Variants in ABCA12 observed in about 807,000 individuals in gnomAD.
ABCA12 encodes the protein ATP binding cassette subfamily A member 12, also known as glucosylceramide transporter ABCA12.
A neutral mutation model predicts 293.5 loss-of-function variants in ABCA12; 156 were observed. The ratio of observed to expected loss-of-function variants is 0.53; its 90% CI spans 0.47 to 0.61. The LOEUF (loss-of-function observed/expected upper bound fraction) is 0.61, where lower values mean the gene tolerates loss of function less well. ABCA12 is among the 20% of genes least tolerant of loss of function. The probability of loss-of-function intolerance (pLI) is 0.00; values close to 1 mark genes in which losing one functional copy is unlikely to be tolerated. For missense variants in ABCA12, 2,797 were observed against 3,090.2 expected (o/e 0.91, Z 2.25); for synonymous variants, 1,063 against 1,108.0 (o/e 0.96, Z 0.81).
At chr2:215,004,058 G>C in intron 20 of ABCA12, 151 bp downstream of exon 20, 1 of 639,996 alleles carries the variant, frequency 1.6e-6, no homozygotes, top group African/African-American at 1.8e-5. Flanking sequence ...GAAGAAGATA[G>C]GGGGGATATA....
At chr2:215,103,267 CTTTTTTT>C (rs72000528) in intron 2 of ABCA12, among the ~76,000 whole-genome samples, 1 of 122,402 alleles carries the variant, frequency 8.2e-6, no homozygotes. Context: ...AAATTTCTTT[CTTTTTTT>C]TTTTTTTTTT....
Position 214,961,299 on chromosome 2 carries a change from T to G in ABCA12, c.5885-2221A>C, listed in dbSNP as rs111276760. On this transcript the variant is annotated intron_variant, in intron 39 of 52. Coordinates refer to ENST00000272895, the MANE Select transcript of ABCA12 (RefSeq NM_173076.3). ...TTACTAATTTCTATATAACTCAAGC[T>G]ACATCTTAAATTAGTTTTAATTAAA... Among the ~76,000 whole-genome samples, 147 of 152,272 alleles carry G rather than the reference T, an allele frequency of 9.7e-4. 1 individual carries two copies. The highest frequency in any genetic ancestry group is 3.3e-3 in the African/African-American group (136 of 41,578).
At chr2:215,117,465 T>C (rs1702709848) in intron 1 of ABCA12, among the ~76,000 whole-genome samples, 1 of 152,238 alleles carries the variant, frequency 6.6e-6, no homozygotes, top group African/African-American at 2.4e-5. Context: ...AAAGCTAATC[T>C]GCAGTATCTA....
chr2:215,104,893 C>T (rs541918378), intron 2 of ABCA12, among the ~76,000 whole-genome samples: 1 of 152,268 alleles, frequency 6.6e-6, no homozygotes, highest in Non-Finnish European at 1.5e-5. Flanking sequence ...GCATTATAGA[C>T]ATTATTTTGA....
At chr2:215,039,922 A>G (rs1379386932) in intron 7 of ABCA12, among the ~76,000 whole-genome samples, 1 of 152,128 alleles carries the variant, frequency 6.6e-6, no homozygotes, top group African/African-American at 2.4e-5. Context: ...TAGGTCTCCA[A>G]ACTTATGGGG....
intron 12 of ABCA12, 30 bp downstream of exon 12, chr2:215,019,510 A>G (rs778638170): frequency 6.8e-6 from 11 of 1,614,028 alleles, no homozygotes; most frequent in Non-Finnish European, 9.3e-6. Context: ...AAGAGATTTC[A>G]CCAAGGAAGA....
intron 29 of ABCA12, among the ~76,000 whole-genome samples, chr2:214,983,196 T>C (rs1314356388): frequency 6.6e-6 from 1 of 152,158 alleles, no homozygotes; most frequent in East Asian, 1.9e-4. Flanking sequence ...TAGGACCTCC[T>C]AAGTCTTGAT....
chr2:214,988,833 A>C (rs897123484), intron 26 of ABCA12, among the ~76,000 whole-genome samples: 2 of 152,158 alleles, frequency 1.3e-5, no homozygotes, highest in Admixed American at 1.3e-4. Flanking sequence ...TTGGGATTTG[A>C]ATACTTCTTT....
chr2:215,121,995 G>A (rs1046056207), intron 1 of ABCA12, among the ~76,000 whole-genome samples: 1 of 152,150 alleles, frequency 6.6e-6, no homozygotes, highest in Non-Finnish European at 1.5e-5. Flanking sequence ...ATACACTGGT[G>A]TGCCTCACTG....
Position 215,026,819 on chromosome 2 carries a change from C to G in ABCA12, c.1180+1G>C. On this transcript the variant is annotated splice_donor_variant, in intron 10 of 52. Coordinates refer to ENST00000272895, the MANE Select transcript of ABCA12 (RefSeq NM_173076.3). LOFTEE classifies it high-confidence loss of function. Reference sequence around the variant, plus strand: ...ATTTTGACTGTTAAGAACAGTATTACCTGGTGAACCTCTGGCCAAACTGTC... The same window carrying G: ...ATTTTGACTGTTAAGAACAGTATTAGCTGGTGAACCTCTGGCCAAACTGTC... The G allele has an allele frequency of 6.3e-7, 1 of 1,592,270 alleles. No homozygotes were observed. The highest frequency in any genetic ancestry group is 8.6e-7 in the Non-Finnish European group (1 of 1,160,226).
intron 2 of ABCA12, among the ~76,000 whole-genome samples, chr2:215,066,112 C>T (rs188998418): frequency 9.2e-5 from 14 of 152,214 alleles, no homozygotes; most frequent in Admixed American, 3.3e-4. Context: ...CATGTCATCC[C>T]TCCGAAACAA....
chr2:215,079,127 GTCT>G (rs1327205601), intron 2 of ABCA12, among the ~76,000 whole-genome samples: 4 of 152,212 alleles, frequency 2.6e-5, no homozygotes, highest in Non-Finnish European at 5.9e-5. Context: ...ATGGGAAAAA[GTCT>G]TCAAGTGCTT....
chr2:214,988,463 T>C (rs558746830), intron 26 of ABCA12, among the ~76,000 whole-genome samples: 1 of 152,364 alleles, frequency 6.6e-6, no homozygotes, highest in South Asian at 2.1e-4. Flanking sequence ...ATCTGCCTTC[T>C]GTCTCTATCT....
rs541775772 is a variant in ABCA12 at position 214,988,592 on chromosome 2, C to T, written c.3829+737G>A. On this transcript the variant is annotated intron_variant, in intron 26 of 52. Coordinates refer to ENST00000272895, the MANE Select transcript of ABCA12 (RefSeq NM_173076.3). ...CTAAGCATGTTAGAAAGGATGACTG[C>T]TTGAGACCTAGAAGGGGGAACCCAA... Among the ~76,000 whole-genome samples, 5 of 152,284 alleles carry T rather than the reference C, an allele frequency of 3.3e-5. No individual in the cohort carries two copies. The East Asian group carries it at 9.7e-4, about 29-fold the overall frequency.
At chr2:215,063,237 T>C (rs914794786) in intron 3 of ABCA12, among the ~76,000 whole-genome samples, 1 of 151,970 alleles carries the variant, frequency 6.6e-6, no homozygotes, top group African/African-American at 2.4e-5. Flanking sequence ...ATAATGAGAA[T>C]GGTATTAAAG....
In ABCA12 at chr2:214,949,222, T is replaced by C. The variant is rs556707447; in HGVS notation, c.6853-73A>G. 22 of 1,017,568 alleles carry C rather than the reference T, an allele frequency of 2.2e-5. No individual in the cohort carries two copies. In the African/African-American group the frequency reaches 2.8e-4, roughly 13 times the overall value. The allele number at this position is 1,017,568 out of a possible 1,614,324, so 63.0% of individuals were successfully genotyped here. On this transcript the variant is annotated intron_variant, in intron 45 of 52. Coordinates refer to ENST00000272895, the MANE Select transcript of ABCA12 (RefSeq NM_173076.3). ...GAGACATTGCTTTTGTATCTCTCCCTCTTCTCCCTGGGTGAAATAAATTAC... is the reference window on the plus strand; with the variant it reads ...GAGACATTGCTTTTGTATCTCTCCCCCTTCTCCCTGGGTGAAATAAATTAC...
At chr2:214,988,721 T>C (rs1699840488) in intron 26 of ABCA12, among the ~76,000 whole-genome samples, 1 of 152,158 alleles carries the variant, frequency 6.6e-6, no homozygotes. Context: ...CTGGATTGAT[T>C]TGACACTATT....
intron 2 of ABCA12, among the ~76,000 whole-genome samples, chr2:215,110,515 G>A (rs769184013): frequency 2.0e-5 from 3 of 151,994 alleles, no homozygotes; most frequent in Non-Finnish European, 4.4e-5. Context: ...ACTACGTCTC[G>A]ACAAAACAAA....
chr2:214,968,914 C>T, intron 37 of ABCA12, 107 bp from the exon 38 acceptor site: 1 of 860,500 alleles, frequency 1.2e-6, no homozygotes, highest in East Asian at 2.4e-5. Flanking sequence ...GTTAGGAACA[C>T]ATTTACAGTA....
Sources: gnomAD v4.1 joint callset for allele counts (sites outside exome capture counted in the v4.1 genomes callset) on GRCh38, gnomAD v4.1.1 for gene constraint, MANE v1.5 for transcripts, NCBI Gene and HGNC (gene_info 2026-07-23, HGNC 2026-07-21) for gene names.